The following FAM228A variants were observed in gnomAD, a reference collection of about 807,000 sequenced individuals.
The protein encoded by FAM228A is family with sequence similarity 228 member A.
In FAM228A, 13 loss-of-function variants were observed where a neutral mutation model predicts 18.6. That is an observed-to-expected ratio of 0.70 (90% CI 0.45 to 1.11). FAM228A has a LOEUF of 1.11. Among genes scored for constraint, FAM228A ranks in the 50% least tolerant of loss-of-function variants. The probability of loss-of-function intolerance (pLI) is 0.00; values close to 1 mark genes in which losing one functional copy is unlikely to be tolerated. For missense variants in FAM228A, 240 were observed against 242.2 expected (o/e 0.99, Z 0.06); for synonymous variants, 77 against 86.6 (o/e 0.89, Z 0.61).
chr2:24,187,704 A>G (rs1667983103), intron 5 of FAM228A, among the ~76,000 whole-genome samples: 1 of 152,086 alleles, frequency 6.6e-6, no homozygotes, highest in South Asian at 2.1e-4. Context: ...TTCGGACTTC[A>G]CCTTCATTCT....
chr2:24,179,357 C>G, intron 3 of FAM228A: 1 of 305,194 alleles, frequency 3.3e-6, no homozygotes, highest in Non-Finnish European at 5.3e-6. Flanking sequence ...AACAATTTCA[C>G]TGGTTATACA....
chr2:24,183,687 A>G, intron 5 of FAM228A, 42 bp downstream of exon 5: 1 of 1,525,008 alleles, frequency 6.6e-7, no homozygotes, highest in Non-Finnish European at 8.9e-7. Flanking sequence ...TTAACTTGCA[A>G]CTTACTTTAT....
chr2:24,175,719 G>C, intron 2 of FAM228A, 146 bp downstream of exon 2: 1 of 762,908 alleles, frequency 1.3e-6, no homozygotes, highest in Non-Finnish European at 2.1e-6. Context: ...TTCGGGCTCA[G>C]ATTTGGCCGA....
At chr2:24,179,342 G>A in intron 3 of FAM228A, 1 of 395,566 alleles carries the variant, frequency 2.5e-6, no homozygotes, top group South Asian at 7.8e-5. Context: ...TTGAAGAGTT[G>A]GTCTAACAAT....
At chr2:24,187,119 T>C (rs1358842461) in intron 5 of FAM228A, among the ~76,000 whole-genome samples, 1 of 152,230 alleles carries the variant, frequency 6.6e-6, no homozygotes, top group Non-Finnish European at 1.5e-5. Context: ...CTCACAGTTT[T>C]GTGGGAAAAT....
At position 24,191,394 on chromosome 2, in the gene FAM228A, TG is replaced by T. The variant is rs991903449; in HGVS notation, c.*764del. 1.0e-6 allele frequency: 1 copy of T among 985,398 alleles called. No individual in the cohort carries two copies. Among genetic ancestry groups the T allele is most frequent in the Non-Finnish European group, 1.2e-6 (1 of 829,980 alleles). 61.0% of individuals were successfully genotyped at this position (985,398 alleles called of 1,614,324 possible). ...CCCAGCTCCTGCTCAGTCCCATCGCTGTCCCCGGTCTCTCCAGGGAGTAAGG... is the reference window on the plus strand; with the variant it reads ...CCCAGCTCCTGCTCAGTCCCATCGCTTCCCCGGTCTCTCCAGGGAGTAAGG... On this transcript the variant is annotated 3_prime_UTR_variant, in exon 6 of 6. Coordinates refer to ENST00000295150, the MANE Select transcript of FAM228A (RefSeq NM_001040710.3).
chr2:24,190,326 T>G (rs1668050088), intron 5 of FAM228A, 86 bp from the exon 6 acceptor site: 1 of 1,420,468 alleles, frequency 7.0e-7, no homozygotes, highest in African/African-American at 1.4e-5. Flanking sequence ...GACGATTGAG[T>G]TCATTGCATT....
At chr2:24,185,597 C>A (rs1667928784) in intron 5 of FAM228A, among the ~76,000 whole-genome samples, 1 of 152,154 alleles carries the variant, frequency 6.6e-6, no homozygotes, top group Admixed American at 6.5e-5. Flanking sequence ...AATCCATGAA[C>A]ATGGTATATA....
rs578020985 is a variant in FAM228A at position 24,175,961 on chromosome 2, T to C, written c.93+388T>C. ...GTGAAAAACTCTTGGAAATTTCCTTTCTTTTTCCCCTTTTGCCCTAGTGGC... is the reference window on the plus strand; with the variant it reads ...GTGAAAAACTCTTGGAAATTTCCTTCCTTTTTCCCCTTTTGCCCTAGTGGC... On this transcript the variant is annotated intron_variant, in intron 2 of 5. Transcript: ENST00000295150. The C allele has an allele frequency of 2.9e-6, 3 of 1,024,844 alleles. No homozygotes were observed. The South Asian group carries it at 1.2e-4, about 40-fold the overall frequency. The allele number at this position is 1,024,844 out of a possible 1,614,324, so 63.5% of individuals were successfully genotyped here. A position where few individuals can be genotyped will look rare whatever the true frequency, so the allele number is the denominator to read the frequency against.
chr2:24,176,324 A>C (rs1667690580), intron 2 of FAM228A: 1 of 508,384 alleles, frequency 2.0e-6, no homozygotes, highest in African/African-American at 2.1e-5. Context: ...TGTTTTACAT[A>C]CTTTTTCAGT....
At chr2:24,188,333 A>G (rs1358786938) in intron 5 of FAM228A, 1 of 597,936 alleles carries the variant, frequency 1.7e-6, no homozygotes, top group Non-Finnish European at 2.1e-6. Flanking sequence ...TGCCTAGGTG[A>G]TCAACCCATC....
At chr2:24,176,031 A>G in intron 2 of FAM228A, 1 of 985,452 alleles carries the variant, frequency 1.0e-6, no homozygotes, top group Non-Finnish European at 1.2e-6. Flanking sequence ...GTGTGCACAG[A>G]AAGCTGTGGA....
intron 5 of FAM228A, among the ~76,000 whole-genome samples, chr2:24,187,137 C>CTCATG (rs1412023543): frequency 6.6e-6 from 1 of 152,236 alleles, no homozygotes; most frequent in African/African-American, 2.4e-5. Flanking sequence ...AATTCTAGGT[C>CTCATG]TCATGTCATG....
rs149710261 is a variant in FAM228A, at chr2:24,175,509, A to C, written c.29A>C (p.Asp10Ala). 4 of 1,614,084 alleles carry C rather than the reference A, an allele frequency of 2.5e-6. No homozygotes were observed. The highest frequency in any genetic ancestry group is 3.4e-6 in the Non-Finnish European group (4 of 1,180,006). The change falls in exon 2 of 6, where the codon GAT (aspartate) becomes GCT (alanine). Residue 10 changes from aspartate (D) to alanine (A), a missense_variant. Physicochemically the swap from Asp to Ala is moderately radical, Grantham distance 126 (BLOSUM62 -2). Coordinates refer to ENST00000295150, the MANE Select transcript of FAM228A (RefSeq NM_001040710.3). The stretch of plus-strand genomic sequence containing the variant: ...GCTGCCACCAAAACTGCGAGTTATG[A>C]TGAACATTTCAGGCCAGAAAAGTTA... MAATKTASYDEHFRPEKLRE... is the reference protein window; with the variant it reads MAATKTASYAEHFRPEKLRE...
chr2:24,187,350 G>T (rs1026021948), intron 5 of FAM228A, among the ~76,000 whole-genome samples: 3 of 152,008 alleles, frequency 2.0e-5, no homozygotes, highest in African/African-American at 7.3e-5. Context: ...GAGAGTTCTC[G>T]TACACCTCCT....
intron 2 of FAM228A, 171 bp downstream of exon 2, chr2:24,175,744 G>GGGGGC (rs1491284382): frequency 4.4e-5 from 33 of 747,282 alleles, no homozygotes; most frequent in Non-Finnish European, 6.4e-5. Context: ...GTGGCCAAGA[G>GGGGGC]TGTTTCCAGT....
At chr2:24,188,763 T>C in intron 5 of FAM228A, 1 of 612,102 alleles carries the variant, frequency 1.6e-6, no homozygotes, top group Non-Finnish European at 2.0e-6. Flanking sequence ...TCCAGTGATT[T>C]TAAAATTCTT....
At chr2:24,175,645 A>G in intron 2 of FAM228A, 72 bp downstream of exon 2, 1 of 1,129,178 alleles carries the variant, frequency 8.9e-7, no homozygotes, top group Non-Finnish European at 1.3e-6. Context: ...TGTTTATCTT[A>G]ATTTCGCTTC....
intron 5 of FAM228A, among the ~76,000 whole-genome samples, chr2:24,187,921 G>A (rs888480049): frequency 2.0e-5 from 3 of 152,078 alleles, no homozygotes; most frequent in Non-Finnish European, 2.9e-5. Flanking sequence ...GTTTCTAGAT[G>A]TGGATTTCTT....
Sources: gnomAD v4.1 joint callset for allele counts (sites outside exome capture counted in the v4.1 genomes callset) on GRCh38, gnomAD v4.1.1 for gene constraint, MANE v1.5 for transcripts, NCBI Gene and HGNC (gene_info 2026-07-23, HGNC 2026-07-21) for gene names.